MED12L: variants seen among roughly 807,000 people sequenced by gnomAD.
MED12L encodes mediator of RNA polymerase II transcription subunit 12-like protein.
In MED12L, 60 loss-of-function variants were observed where a neutral mutation model predicts 281.3. The observed-to-expected ratio is 0.21, with a 90% CI of 0.17 to 0.26. The LOEUF (loss-of-function observed/expected upper bound fraction) is 0.26. Ranked by LOEUF, MED12L falls within the 10% of genes least tolerant of loss-of-function variation. The probability of loss-of-function intolerance (pLI) is 1.00; values close to 1 mark genes in which losing one functional copy is unlikely to be tolerated. For synonymous variants in MED12L, 974 were observed against 987.2 expected (o/e 0.99, Z 0.25); for missense variants, 2,146 against 2,680.9 (o/e 0.80, Z 4.41).
intron 16 of MED12L, among the ~76,000 whole-genome samples, chr3:151,348,765 C>A (rs953194889): frequency 8.5e-5 from 13 of 152,152 alleles, no homozygotes; most frequent in Non-Finnish European, 1.6e-4. Context: ...GACTGAGAGC[C>A]AAGTAACAGA....
At position 151,435,663 on chromosome 3, in the gene MED12L, G is replaced by T. The variant is rs560520804; in HGVS notation, c.*2859G>T. On this transcript the variant is annotated 3_prime_UTR_variant, in exon 45 of 45. Coordinates refer to ENST00000687756, the MANE Select transcript of MED12L (RefSeq NM_001393769.1). ...GGTGAATGTTTGAATAGATGCTGGA[G>T]AAATTACACTGGAAAACCCCACCCC... The T allele has an allele frequency of 6.6e-6, 1 of 152,116 alleles. No individual in the cohort carries two copies. The highest frequency in any genetic ancestry group is 1.9e-4 in the East Asian group (1 of 5,182). 9.4% of individuals were successfully genotyped at this position (152,116 alleles called of 1,614,324 possible).
At chr3:151,290,554 T>A (rs992514029) in intron 16 of MED12L, among the ~76,000 whole-genome samples, 5 of 152,190 alleles carry the variant, frequency 3.3e-5, no homozygotes, top group Admixed American at 1.3e-4. Context: ...TATACATTTT[T>A]AAAATTTTTC....
At chr3:151,366,523 T>A (rs1755294620) in intron 23 of MED12L, among the ~76,000 whole-genome samples, 1 of 152,222 alleles carries the variant, frequency 6.6e-6, no homozygotes, top group African/African-American at 2.4e-5. Context: ...CTTGTATATA[T>A]CACTGACTTC....
intron 16 of MED12L, among the ~76,000 whole-genome samples, chr3:151,246,708 TG>T (rs1348220510): frequency 6.6e-6 from 1 of 152,150 alleles, no homozygotes; most frequent in African/African-American, 2.4e-5. Context: ...GACATAGGCA[TG>T]GGAAGGACTT....
At chr3:151,243,477 C>G (rs1420472770) in intron 16 of MED12L, among the ~76,000 whole-genome samples, 1 of 152,110 alleles carries the variant, frequency 6.6e-6, no homozygotes, top group African/African-American at 2.4e-5. Context: ...TTCTTAAAGA[C>G]AAGAATTTTC....
At chr3:151,169,777 C>CT (rs1721195597) in intron 11 of MED12L, among the ~76,000 whole-genome samples, 1 of 152,102 alleles carries the variant, frequency 6.6e-6, no homozygotes, top group Admixed American at 6.6e-5. Flanking sequence ...TATACTTCCC[C>CT]TTTTTTGTTT....
intron 16 of MED12L, among the ~76,000 whole-genome samples, chr3:151,287,591 C>CAG (rs1288393625): frequency 1.3e-5 from 2 of 152,182 alleles, no homozygotes; most frequent in African/African-American, 4.8e-5. Flanking sequence ...ACTTTGTAGT[C>CAG]AGACACCAGA....
intron 16 of MED12L, among the ~76,000 whole-genome samples, chr3:151,226,597 G>C (rs6809705): frequency 0.2 from 29,833 of 151,310 alleles, 2,936 homozygotes; most frequent in African/African-American, 0.25. Flanking sequence ...GTCGCATCTT[G>C]AGAAGTCAGC....
At chr3:151,424,628 A>AG (rs397760817) in intron 43 of MED12L, among the ~76,000 whole-genome samples, 7 of 147,030 alleles carry the variant, frequency 4.8e-5, no homozygotes, top group Non-Finnish European at 1.0e-4. Flanking sequence ...CTCAAAAAAA[A>AG]CAAAACAAAA....
chr3:151,357,523 G>C lies in MED12L; in HGVS notation c.2825+147G>C, dbSNP rs913724208. ...AAGAACACTCTTGCCAGAAAACATC[G>C]ATCAAAAAGGTCTAAGCATGTAAAG... On this transcript the variant is annotated intron_variant, in intron 20 of 44. Coordinates refer to ENST00000687756, the MANE Select transcript of MED12L (RefSeq NM_001393769.1). 6.2e-6 allele frequency: 4 copies of C among 644,530 alleles called. No individual in the cohort carries two copies. The South Asian group carries it at 1.1e-4, about 18-fold the overall frequency. 39.9% of individuals were successfully genotyped at this position (644,530 alleles called of 1,614,324 possible).
intron 20 of MED12L, among the ~76,000 whole-genome samples, chr3:151,358,285 T>G (rs1459373069): frequency 1.3e-5 from 2 of 152,140 alleles, no homozygotes; most frequent in Non-Finnish European, 2.9e-5. Flanking sequence ...ATTTACATAT[T>G]AGAATTCAGG....
chr3:151,398,761 A>G (rs1432473373), intron 39 of MED12L, among the ~76,000 whole-genome samples: 1 of 152,212 alleles, frequency 6.6e-6, no homozygotes, highest in Non-Finnish European at 1.5e-5. Flanking sequence ...ATATGTTGTA[A>G]GACCTTCAGT....
chr3:151,359,643 C>A (rs1318848677), intron 20 of MED12L, among the ~76,000 whole-genome samples: 2 of 152,142 alleles, frequency 1.3e-5, no homozygotes, highest in Non-Finnish European at 2.9e-5. Flanking sequence ...ACCTTTCTGC[C>A]TCTCAGAGCC....
At chr3:151,272,004 T>C (rs113353701) in intron 16 of MED12L, among the ~76,000 whole-genome samples, 1 of 152,212 alleles carries the variant, frequency 6.6e-6, no homozygotes, top group African/African-American at 2.4e-5. Context: ...TATACCCCAA[T>C]ATAAATTAGG....
Position 151,357,381 on chromosome 3 carries a change from G to GTA in MED12L, c.2825+10_2825+11dup. 6.4e-7 allele frequency: 1 copy of GTA among 1,572,744 alleles called. No homozygotes were observed. The highest frequency in any genetic ancestry group is 1.4e-5 in the African/African-American group (1 of 73,404). Reference sequence around the variant, plus strand: ...GACAGCCCAGGTGTTTGAAGGGTTGGTATATAGCATGTCATTGTTGTTTTT... The same window carrying GTA: ...GACAGCCCAGGTGTTTGAAGGGTTGGTATATATAGCATGTCATTGTTGTTTTT... On this transcript the variant is annotated splice_donor_region_variant and intron_variant, in intron 20 of 44. Coordinates refer to ENST00000687756, the MANE Select transcript of MED12L (RefSeq NM_001393769.1).
In MED12L at chr3:151,365,049, G is replaced by A; in HGVS notation, c.3028G>A (p.Asp1010Asn). Residue 1010 changes from aspartate to asparagine, a missense_variant, in exon 22 of 45, where the codon GAT (aspartate) becomes AAT (asparagine). Physicochemically the swap from Asp to Asn is conservative, Grantham distance 23. This residue lies in a region of MED12L where 404 missense variants were observed against 603.5 expected (regional missense o/e 0.67). Transcript: ENST00000687756. ...VMPANSNLRW[D>N]PDFMMDFIEN... ...GCCTGCAAATTCGAACTTGCGATGG[G>A]ATCCAGACTTCATGATGGATTTTAT... 1 of 1,614,024 alleles carries A rather than the reference G, an allele frequency of 6.2e-7. No individual in the cohort carries two copies. Among genetic ancestry groups the A allele is most frequent in the South Asian group, 1.1e-5 (1 of 91,080 alleles).
chr3:151,334,620 C>G (rs1750756189), intron 16 of MED12L, among the ~76,000 whole-genome samples: 1 of 152,072 alleles, frequency 6.6e-6, no homozygotes, highest in Non-Finnish European at 1.5e-5. Context: ...CTGCCTCAGC[C>G]TCCTGAGTAG....
rs1230249664 is a variant in MED12L, at chr3:151,360,655, G to A, written c.2957+50G>A. On this transcript the variant is annotated intron_variant, in intron 21 of 44. Transcript: ENST00000687756. ...CAGAAATAGGATCATGCCTATGTTTGTTAGTGACCCTGACAATATTGTCAT... is the reference window on the plus strand; with the variant it reads ...CAGAAATAGGATCATGCCTATGTTTATTAGTGACCCTGACAATATTGTCAT... 2.6e-6 allele frequency: 4 copies of A among 1,516,504 alleles called. No homozygotes were observed. The Admixed American group carries it at 6.0e-5, about 23-fold the overall frequency. 93.9% of individuals were successfully genotyped at this position (1,516,504 alleles called of 1,614,324 possible).
At chr3:151,353,222 C>G (rs1182018500) in intron 17 of MED12L, among the ~76,000 whole-genome samples, 1 of 152,160 alleles carries the variant, frequency 6.6e-6, no homozygotes, top group African/African-American at 2.4e-5. Flanking sequence ...TGAATCAATG[C>G]ATTAATTTCA....
Sources: gnomAD v4.1 joint callset for allele counts (sites outside exome capture counted in the v4.1 genomes callset) on GRCh38, gnomAD v4.1.1 for gene constraint, gnomAD v4.1.1 regional missense constraint, MANE v1.5 for transcripts, NCBI Gene and HGNC (gene_info 2026-07-23, HGNC 2026-07-21) for gene names.